The following LHFPL3 variants were observed in gnomAD, a reference collection of about 807,000 sequenced individuals.
LHFPL3 encodes the protein LHFPL tetraspan subfamily member 3.
In LHFPL3, 5 loss-of-function variants were observed where a neutral mutation model predicts 19.3. The ratio of observed to expected loss-of-function variants is 0.26; its 90% confidence interval spans 0.14 to 0.54. The LOEUF (loss-of-function observed/expected upper bound fraction) is 0.54, where lower values mean the gene tolerates loss of function less well. Ranked by LOEUF, LHFPL3 falls within the 20% of genes least tolerant of loss-of-function variation. The pLI is 0.94. For synonymous variants in LHFPL3, 133 were observed against 126.2 expected (o/e 1.05, Z -0.36); for missense variants, 249 against 307.4 (o/e 0.81, Z 1.42).
intron 1 of LHFPL3, among the ~76,000 whole-genome samples, chr7:104,686,936 A>G (rs1792816088): frequency 6.6e-6 from 1 of 152,188 alleles, no homozygotes; most frequent in African/African-American, 2.4e-5. Flanking sequence ...TAAAACCATC[A>G]GCTCTCATGA....
intron 1 of LHFPL3, among the ~76,000 whole-genome samples, chr7:104,490,329 G>A (rs1272746269): frequency 6.6e-6 from 1 of 151,954 alleles, no homozygotes; most frequent in Non-Finnish European, 1.5e-5. Context: ...AGTGACTTTT[G>A]CATGGAAGCA....
intron 1 of LHFPL3, among the ~76,000 whole-genome samples, chr7:104,377,654 G>T (rs912422862): frequency 6.6e-6 from 1 of 152,170 alleles, no homozygotes; most frequent in African/African-American, 2.4e-5. Context: ...CTCAATTAAT[G>T]TAAGTTGACT....
At chr7:104,582,593 C>T (rs1238001202) in intron 1 of LHFPL3, among the ~76,000 whole-genome samples, 1 of 151,968 alleles carries the variant, frequency 6.6e-6, no homozygotes, top group Admixed American at 6.6e-5. Flanking sequence ...ATGTTAGGTA[C>T]TCTTTACTAG....
intron 1 of LHFPL3, among the ~76,000 whole-genome samples, chr7:104,529,447 T>C (rs1391580560): frequency 6.6e-6 from 1 of 152,194 alleles, no homozygotes; most frequent in Admixed American, 6.6e-5. Context: ...CCACTGCCTG[T>C]AATGCCATTT....
At chr7:104,461,925 C>T (rs1393409613) in intron 1 of LHFPL3, among the ~76,000 whole-genome samples, 1 of 151,936 alleles carries the variant, frequency 6.6e-6, no homozygotes, top group African/African-American at 2.4e-5. Flanking sequence ...TCTCTGATTT[C>T]TTTGAGGAGT....
At chr7:104,418,754 T>G (rs1791673093) in intron 1 of LHFPL3, among the ~76,000 whole-genome samples, 1 of 152,166 alleles carries the variant, frequency 6.6e-6, no homozygotes, top group Admixed American at 6.5e-5. Flanking sequence ...TAGGTGTGAT[T>G]CTGAAGAACA....
intron 1 of LHFPL3, among the ~76,000 whole-genome samples, chr7:104,624,067 A>G (rs1791500336): frequency 6.6e-6 from 1 of 152,210 alleles, no homozygotes; most frequent in African/African-American, 2.4e-5. Flanking sequence ...GAAGAAGACG[A>G]TGTTCCTTGG....
intron 1 of LHFPL3, among the ~76,000 whole-genome samples, chr7:104,615,745 A>T (rs1791321699): frequency 6.9e-6 from 1 of 144,972 alleles, no homozygotes; most frequent in Admixed American, 7.2e-5. Flanking sequence ...CTCTTTGTTC[A>T]ACTCCCACTT....
chr7:104,489,179 T>G (rs1793293220), intron 1 of LHFPL3, among the ~76,000 whole-genome samples: 1 of 43,344 alleles, frequency 2.3e-5, no homozygotes, highest in Non-Finnish European at 7.3e-5. Flanking sequence ...ACCTCCCGGG[T>G]TCACGCCATT....
intron 1 of LHFPL3, among the ~76,000 whole-genome samples, chr7:104,457,243 A>C (rs1038421562): frequency 6.6e-6 from 1 of 151,940 alleles, no homozygotes; most frequent in South Asian, 2.1e-4. Flanking sequence ...AGCATTAGGT[A>C]TATCTCCTCA....
chr7:104,377,845 CT>C (rs549396050), intron 1 of LHFPL3, among the ~76,000 whole-genome samples: 78 of 152,274 alleles, frequency 5.1e-4, no homozygotes, highest in African/African-American at 1.8e-3. Context: ...ATAATAATAA[CT>C]AAGCTTTTAT....
intron 1 of LHFPL3, among the ~76,000 whole-genome samples, chr7:104,462,248 G>A (rs1218586158): frequency 4.6e-5 from 7 of 152,128 alleles, no homozygotes; most frequent in African/African-American, 1.7e-4. Context: ...TTTCTTGCCT[G>A]ATTGCTCTGG....
chr7:104,406,916 T>C (rs1465226485), intron 1 of LHFPL3, among the ~76,000 whole-genome samples: 2 of 152,346 alleles, frequency 1.3e-5, no homozygotes, highest in Non-Finnish European at 2.9e-5. Flanking sequence ...TAATAACTTA[T>C]CTCTTTGGTC....
chr7:104,619,440 A>G lies in LHFPL3; in HGVS notation c.446-117235A>G, dbSNP rs928534666. Among the ~76,000 whole-genome samples, 5 of 151,734 alleles carry G rather than the reference A, an allele frequency of 3.3e-5. 1 individual carries two copies. The highest frequency in any genetic ancestry group is 2.6e-4 in the Admixed American group (4 of 15,260). On this transcript the variant is annotated intron_variant, in intron 1 of 2. Transcript: ENST00000424859. The stretch of plus-strand genomic sequence containing the variant: ...TTATAATCCCTTTTTCTTTTTTTTC[A>G]GAATTTCTTTGCCAGTACTCATATT...
chr7:104,688,195 G>A (rs553037378), intron 1 of LHFPL3, among the ~76,000 whole-genome samples: 8 of 152,176 alleles, frequency 5.3e-5, no homozygotes, highest in Non-Finnish European at 7.3e-5. Context: ...GTGGTTGTTT[G>A]CTCCTAAGTC....
intron 1 of LHFPL3, among the ~76,000 whole-genome samples, chr7:104,651,632 T>C (rs1792035830): frequency 6.6e-6 from 1 of 152,224 alleles, no homozygotes; most frequent in Admixed American, 6.5e-5. Context: ...AAGCATACAA[T>C]AGAAGTAGAA....
At chr7:104,523,004 A>G (rs1481068186) in intron 1 of LHFPL3, among the ~76,000 whole-genome samples, 2 of 149,348 alleles carry the variant, frequency 1.3e-5, no homozygotes, top group African/African-American at 2.4e-5. Context: ...GCACACATAT[A>G]TGTATATATG....
intron 1 of LHFPL3, among the ~76,000 whole-genome samples, chr7:104,568,354 C>T (rs1304122443): frequency 6.6e-6 from 1 of 152,158 alleles, no homozygotes; most frequent in Non-Finnish European, 1.5e-5. Flanking sequence ...CAAATTATAG[C>T]CCCTTGAAGG....
intron 2 of LHFPL3, among the ~76,000 whole-genome samples, chr7:104,870,407 A>C (rs186352343): frequency 6.6e-6 from 1 of 152,102 alleles, no homozygotes; most frequent in African/African-American, 2.4e-5. Context: ...CCCGACTTGC[A>C]CCTCTGGGAA....
Sources: gnomAD v4.1 joint callset for allele counts (sites outside exome capture counted in the v4.1 genomes callset) on GRCh38, gnomAD v4.1.1 for gene constraint, MANE v1.5 for transcripts, NCBI Gene and HGNC (gene_info 2026-07-23, HGNC 2026-07-21) for gene names.